PPARA: variants seen among roughly 807,000 people sequenced by gnomAD.
The protein encoded by PPARA is peroxisome proliferator-activated receptor alpha.
A neutral mutation model predicts 42.2 loss-of-function variants in PPARA; 22 were observed. That is an observed-to-expected ratio of 0.52 (90% CI 0.37 to 0.74). PPARA has a LOEUF of 0.74. PPARA is among the 30% of genes least tolerant of loss of function. The pLI, the probability that PPARA is intolerant of heterozygous loss-of-function variation, is 0.00. For synonymous variants in PPARA, 242 were observed against 239.3 expected (o/e 1.01, Z -0.10); for missense variants, 465 against 608.2 (o/e 0.76, Z 2.48).
At position 46,156,466 on chromosome 22, in the gene PPARA, A is replaced by G. The variant is rs1407980315; in HGVS notation, c.-127+4496A>G. On this transcript the variant is annotated intron_variant, in intron 2 of 8. Transcript: ENST00000407236. The surrounding 1 kb of genome is among the most constrained non-coding windows in gnomAD (Gnocchi z 5.2). ...TACCTGTGTTGTTTTCACTGTGGCC[A>G]TTTTAGGATTTTTCAAAGGCTTTCA... 1 of 152,142 alleles carries G rather than the reference A, an allele frequency of 6.6e-6. No homozygotes were observed. Among genetic ancestry groups the G allele is most frequent in the African/African-American group, 2.4e-5 (1 of 41,414 alleles). 9.4% of individuals were successfully genotyped at this position (152,142 alleles called of 1,614,324 possible).
rs1004367471 is a variant in PPARA, at chr22:46,183,155, G to A, written c.-43+6319G>A. ...ACCCACACTCGGGTGCCCCAATGTG[G>A]CGGTGCTTACAGAAATGACTCCATC... On this transcript the variant is annotated intron_variant, in intron 3 of 8. Coordinates refer to ENST00000407236, the MANE Select transcript of PPARA (RefSeq NM_005036.6). This position sits in a 1 kb window ranked among gnomAD's most constrained non-coding sequence, Gnocchi z 5.5. Among the ~76,000 whole-genome samples the A allele has an allele frequency of 6.6e-6, 1 of 152,226 alleles. No individual in the cohort carries two copies. The highest frequency in any genetic ancestry group is 1.9e-4 in the East Asian group (1 of 5,202).
At position 46,164,647 on chromosome 22, in the gene PPARA, T is replaced by C. The variant is rs540801460; in HGVS notation, c.-126-12106T>C. ...CAGAGGTGTTTCTCTGTTTTCTCCATGGCTGCACCCTCAGCTGCTAGAAGG... is the reference window on the plus strand; with the variant it reads ...CAGAGGTGTTTCTCTGTTTTCTCCACGGCTGCACCCTCAGCTGCTAGAAGG... On this transcript the variant is annotated intron_variant, in intron 2 of 8. Transcript: ENST00000407236. 5 of 152,364 alleles carry C rather than the reference T, an allele frequency of 3.3e-5. No homozygotes were observed. The South Asian group carries it at 6.2e-4, about 19-fold the overall frequency. 9.4% of individuals were successfully genotyped at this position (152,364 alleles called of 1,614,324 possible).
At chr22:46,213,534 A>G (rs1934141745) in intron 4 of PPARA, among the ~76,000 whole-genome samples, 2 of 151,054 alleles carry the variant, frequency 1.3e-5, no homozygotes, top group African/African-American at 2.4e-5. Context: ...CAGCCTCCCA[A>G]GTAGCTGGGA....
chr22:46,215,198 C>T lies in PPARA; in HGVS notation c.234C>T (p.Pro78=), dbSNP rs267606278. 1.2e-6 allele frequency: 2 copies of T among 1,614,128 alleles called. No homozygotes were observed. The highest frequency in any genetic ancestry group is 1.7e-6 in the Non-Finnish European group (2 of 1,180,040). ...ACACGCTTTCACCAGCTTCGAGCCC[C>T]TCCTCGGTGACTTATCCTGTGGTCC... ...ITDTLSPASS[P]SSVTYPVVPG... is the part of the protein sequence containing the mutation. Residue 78 remains proline, a synonymous_variant, in exon 5 of 9, where the codon CCC becomes CCT. Transcript: ENST00000407236.
rs894504888 is a variant in PPARA at position 46,195,199 on chromosome 22, G to A, written c.-42-3143G>A. Among the ~76,000 whole-genome samples the A allele has an allele frequency of 5.9e-5, 9 of 152,122 alleles. No individual in the cohort carries two copies. Among genetic ancestry groups the A allele is most frequent in the East Asian group, 1.9e-4 (1 of 5,202 alleles). On this transcript the variant is annotated intron_variant, in intron 3 of 8. Transcript: ENST00000407236. The surrounding 1 kb of genome is among the most constrained non-coding windows in gnomAD (Gnocchi z 4.6). ...ATTACAGGTGTGAGCCACCATGCCC[G>A]GCCCCAGCTACTTGCTTTCTATTGG... is the stretch of plus-strand genomic sequence containing the variant.
In PPARA at chr22:46,235,208, T is replaced by C; in HGVS notation, c.1235T>C (p.Leu412Pro). The change falls in exon 9 of 9, where the codon CTG (leucine) becomes CCG (proline). Residue 412 changes from leucine to proline, a missense_variant. Coordinates refer to ENST00000407236, the MANE Select transcript of PPARA (RefSeq NM_005036.6). The surrounding 1 kb of genome is among the most constrained non-coding windows in gnomAD (Gnocchi z 7.0). ...ATTGTACATGTGCTCAGACTCCACC[T>C]GCAGAGCAACCACCCGGACGATATC... is the stretch of plus-strand genomic sequence containing the variant. ...EGIVHVLRLH[L>P]QSNHPDDIFL... is the part of the protein sequence containing the mutation. 6.2e-7 allele frequency: 1 copy of C among 1,614,128 alleles called. No individual in the cohort carries two copies. Among genetic ancestry groups the C allele is most frequent in the Non-Finnish European group, 8.5e-7 (1 of 1,179,996 alleles).
At position 46,158,245 on chromosome 22, in the gene PPARA, A is replaced by G. The variant is rs1482173054; in HGVS notation, c.-127+6275A>G. 5.9e-5 allele frequency among the ~76,000 whole-genome samples: 9 copies of G among 152,158 alleles called. 1 individual carries two copies. The highest frequency in any genetic ancestry group is 5.9e-4 in the Admixed American group (9 of 15,274). On this transcript the variant is annotated intron_variant, in intron 2 of 8. Coordinates refer to ENST00000407236, the MANE Select transcript of PPARA (RefSeq NM_005036.6). ...ATCATGGTGAAACCCTGTCTCTACT[A>G]AATGTACAAAAATTAGCCAGGCTTG... is the stretch of plus-strand genomic sequence containing the variant.
Position 46,188,833 on chromosome 22 carries a change from A to G in PPARA, c.-42-9509A>G, listed in dbSNP as rs1931167132. The G allele has an allele frequency of 6.6e-6, 1 of 152,176 alleles. No homozygotes were observed. Among genetic ancestry groups the G allele is most frequent in the African/African-American group, 2.4e-5 (1 of 41,430 alleles). 9.4% of individuals were successfully genotyped at this position (152,176 alleles called of 1,614,324 possible). On this transcript the variant is annotated intron_variant, in intron 3 of 8. Transcript: ENST00000407236. The surrounding 1 kb of genome is among the most constrained non-coding windows in gnomAD (Gnocchi z 5.0). ...CAGTCATTAGCTCAGGTGCGTACTC[A>G]TGTGTTCCACGAGTTCAAGCCTCAG... is the stretch of plus-strand genomic sequence containing the variant.
At position 46,156,836 on chromosome 22, in the gene PPARA, A is replaced by G. The variant is rs1340171424; in HGVS notation, c.-127+4866A>G. 1.3e-5 allele frequency among the ~76,000 whole-genome samples: 2 copies of G among 152,184 alleles called. No homozygotes were observed. Among genetic ancestry groups the G allele is most frequent in the Non-Finnish European group, 2.9e-5 (2 of 68,030 alleles). ...AGGCTGGTTTTGAACTTCTGACCTC[A>G]GGTGATCCACCTGCTTCAGCCTCCC... On this transcript the variant is annotated intron_variant, in intron 2 of 8. Transcript: ENST00000407236. This position sits in a 1 kb window ranked among gnomAD's most constrained non-coding sequence, Gnocchi z 5.2.
At chr22:46,205,034 A>ATT (rs879414551) in intron 4 of PPARA, among the ~76,000 whole-genome samples, 1 of 144,102 alleles carries the variant, frequency 6.9e-6, no homozygotes, top group African/African-American at 2.5e-5. Flanking sequence ...TGCTTGGCTA[A>ATT]TTTTTTTTTT....
In PPARA at chr22:46,219,660, T is replaced by C; in HGVS notation, c.509-152T>C. 2.7e-6 allele frequency: 2 copies of C among 753,072 alleles called. No individual in the cohort carries two copies. The highest frequency in any genetic ancestry group is 1.7e-5 in the African/African-American group (1 of 57,634). The allele number at this position is 753,072 out of a possible 1,614,324, so 46.6% of individuals were successfully genotyped here. On this transcript the variant is annotated intron_variant, in intron 6 of 8. Coordinates refer to ENST00000407236, the MANE Select transcript of PPARA (RefSeq NM_005036.6). The surrounding 1 kb of genome is among the most constrained non-coding windows in gnomAD (Gnocchi z 4.8). ...GGAGTTTGAGTTTTTCATCTCTCCA[T>C]AGTGGAAAGCCGAATAGTAATGAAG...
chr22:46,240,305 G>T lies in PPARA; in HGVS notation c.*4925G>T. Reference sequence around the variant, plus strand: ...TGAAAACACCAGCCTCCAGATGTAGGGCCTGCTGGGTGTTGCTAGCCGCTG... The same window carrying T: ...TGAAAACACCAGCCTCCAGATGTAGTGCCTGCTGGGTGTTGCTAGCCGCTG... On this transcript the variant is annotated 3_prime_UTR_variant, in exon 9 of 9. Coordinates refer to ENST00000407236, the MANE Select transcript of PPARA (RefSeq NM_005036.6). The surrounding 1 kb of genome is among the most constrained non-coding windows in gnomAD (Gnocchi z 6.0). 1 of 398,588 alleles carries T rather than the reference G, an allele frequency of 2.5e-6. No individual in the cohort carries two copies. Among genetic ancestry groups the T allele is most frequent in the Non-Finnish European group, 4.4e-6 (1 of 226,066 alleles). The allele number at this position is 398,588 out of a possible 1,614,324, so 24.7% of individuals were successfully genotyped here.
chr22:46,231,765 G>T lies in PPARA; in HGVS notation c.712-27G>T. 6.2e-7 allele frequency: 1 copy of T among 1,606,382 alleles called. No individual in the cohort carries two copies. The highest frequency in any genetic ancestry group is 1.1e-5 in the South Asian group (1 of 90,178). On this transcript the variant is annotated intron_variant, in intron 7 of 8. Coordinates refer to ENST00000407236, the MANE Select transcript of PPARA (RefSeq NM_005036.6). The surrounding 1 kb of genome is among the most constrained non-coding windows in gnomAD (Gnocchi z 7.7). The stretch of plus-strand genomic sequence containing the variant: ...GAGCATAGCGCATCCCACATCACCT[G>T]ACTTACCTTGGTGTCCTCCTTTGTA...
chr22:46,153,181 T>C (rs1199239759), intron 2 of PPARA, among the ~76,000 whole-genome samples: 1 of 149,096 alleles, frequency 6.7e-6, no homozygotes. Flanking sequence ...TTTTTTTTTT[T>C]TTTTTGTGAC....
chr22:46,174,340 C>T (rs1408127179), intron 2 of PPARA, among the ~76,000 whole-genome samples: 1 of 141,556 alleles, frequency 7.1e-6, no homozygotes, highest in African/African-American at 2.7e-5. Flanking sequence ...TTAGGATGTT[C>T]TTTACTCTGT....
chr22:46,188,086 C>T lies in PPARA; in HGVS notation c.-42-10256C>T, dbSNP rs1931057904. Among the ~76,000 whole-genome samples the T allele has an allele frequency of 6.6e-6, 1 of 152,208 alleles. No homozygotes were observed. The highest frequency in any genetic ancestry group is 1.5e-5 in the Non-Finnish European group (1 of 68,038). On this transcript the variant is annotated intron_variant, in intron 3 of 8. Transcript: ENST00000407236. This position sits in a 1 kb window ranked among gnomAD's most constrained non-coding sequence, Gnocchi z 5.0. The stretch of plus-strand genomic sequence containing the variant: ...AGGCATGTGACTGAGGCCATCCAGC[C>T]ATAGCTGAGCCACAAAATGACCACA...
At chr22:46,206,298 A>G (rs1933299901) in intron 4 of PPARA, among the ~76,000 whole-genome samples, 1 of 151,728 alleles carries the variant, frequency 6.6e-6, no homozygotes, top group African/African-American at 2.4e-5. Flanking sequence ...GTGTATTTTT[A>G]CTAGAGACGG....
At position 46,232,126 on chromosome 22, in the gene PPARA, A is replaced by C. The variant is rs1004645846; in HGVS notation, c.1046A>C (p.Lys349Thr). ...ITREFLKSLRKPFCDIMEPKF... is the reference protein window; with the variant it reads ...ITREFLKSLRTPFCDIMEPKF... ...CGTGAATTCCTAAAAAGCCTAAGGA[A>C]ACCGTTCTGTGATATCATGGAACCC... The change falls in exon 8 of 9, where the codon AAA becomes ACA. Residue 349 changes from lysine (K) to threonine (T), a missense_variant. Coordinates refer to ENST00000407236, the MANE Select transcript of PPARA (RefSeq NM_005036.6). The surrounding 1 kb of genome is among the most constrained non-coding windows in gnomAD (Gnocchi z 5.3). The C allele has an allele frequency of 3.7e-6, 6 of 1,614,224 alleles. No individual in the cohort carries two copies. The highest frequency in any genetic ancestry group is 5.1e-6 in the Non-Finnish European group (6 of 1,180,042).
At chr22:46,214,698 A>G (rs1220987824) in intron 4 of PPARA, among the ~76,000 whole-genome samples, 1 of 143,988 alleles carries the variant, frequency 6.9e-6, no homozygotes, top group African/African-American at 2.6e-5. Flanking sequence ...GCGTGGGTCC[A>G]GAGATGTGCG....
Sources: gnomAD v4.1 joint callset for allele counts (sites outside exome capture counted in the v4.1 genomes callset) on GRCh38, gnomAD v4.1.1 for gene constraint, Gnocchi (gnomAD v3.1) non-coding constraint, MANE v1.5 for transcripts, NCBI Gene and HGNC (gene_info 2026-07-23, HGNC 2026-07-21) for gene names.